Variants in GAB2 observed in about 807,000 individuals in gnomAD.
GAB2 encodes GRB2 associated binding protein 2, also known as GRB2-associated-binding protein 2.
GAB2 carries 26 observed loss-of-function variants against 65.5 expected under a neutral mutation model. The ratio of observed to expected loss-of-function variants is 0.40; its 90% CI spans 0.29 to 0.55. The LOEUF (loss-of-function observed/expected upper bound fraction) is 0.55, where lower values mean the gene tolerates loss of function less well. GAB2 is among the 20% of genes least tolerant of loss of function. The probability of loss-of-function intolerance (pLI) is 0.53; values close to 1 mark genes in which losing one functional copy is unlikely to be tolerated. For missense variants in GAB2, 884 were observed against 875.8 expected (o/e 1.01, Z -0.12); for synonymous variants, 321 against 329.6 (o/e 0.97, Z 0.28).
chr11:78,287,868 G>C (rs1013043120), intron 1 of GAB2, among the ~76,000 whole-genome samples: 5 of 149,194 alleles, frequency 3.4e-5, no homozygotes, highest in African/African-American at 1.2e-4. Context: ...GGCTGGTCTT[G>C]AACTCTTGGC....
At chr11:78,232,794 A>G (rs1216756897) in intron 3 of GAB2, among the ~76,000 whole-genome samples, 2 of 152,136 alleles carry the variant, frequency 1.3e-5, no homozygotes, top group African/African-American at 4.8e-5. Flanking sequence ...CAGTAATCCA[A>G]TCAGACACAG....
At chr11:78,407,806 G>T (rs1213685359) in intron 1 of GAB2, among the ~76,000 whole-genome samples, 1 of 151,990 alleles carries the variant, frequency 6.6e-6, no homozygotes, top group Non-Finnish European at 1.5e-5. Flanking sequence ...GAAAGAAAAA[G>T]AGGGCATTTT....
Position 78,249,401 on chromosome 11 carries a change from T to C in GAB2, c.620+756A>G, listed in dbSNP as rs553344555. Among the ~76,000 whole-genome samples, 4 of 152,370 alleles carry C rather than the reference T, an allele frequency of 2.6e-5. No individual in the cohort carries two copies. The East Asian group carries it at 5.8e-4, about 22-fold the overall frequency. Reference sequence around the variant, plus strand: ...AATGTGATTTGTAATCTGCTGGCTATGGTAGCAACTGGGAATTAGCTCTGG... The same window carrying C: ...AATGTGATTTGTAATCTGCTGGCTACGGTAGCAACTGGGAATTAGCTCTGG... On this transcript the variant is annotated intron_variant, in intron 3 of 9. Coordinates refer to ENST00000361507, the MANE Select transcript of GAB2 (RefSeq NM_080491.3).
intron 1 of GAB2, among the ~76,000 whole-genome samples, chr11:78,389,654 T>A (rs1310785336): frequency 6.6e-6 from 1 of 152,220 alleles, no homozygotes; most frequent in Admixed American, 6.5e-5. Flanking sequence ...TGGTGATGGC[T>A]GTACAACTGC....
chr11:78,308,516 T>G (rs1855419719), intron 1 of GAB2, among the ~76,000 whole-genome samples: 1 of 152,218 alleles, frequency 6.6e-6, no homozygotes, highest in Admixed American at 6.5e-5. Context: ...TTAGCATCTA[T>G]GTGATTGGAA....
In GAB2 at chr11:78,250,369, A is replaced by G. The variant is rs1186890052; in HGVS notation, c.408T>C (p.His136=). 5 of 1,613,366 alleles carry G rather than the reference A, an allele frequency of 3.1e-6. No individual in the cohort carries two copies. The African/African-American group carries it at 4.0e-5, about 13-fold the overall frequency. Residue 136 remains histidine, a synonymous_variant, in exon 3 of 10, where the codon CAT becomes CAC. Transcript: ENST00000361507. ...GCTCAGCTGGAGAAGAGCGGGGGCCATGACCGGCTGAGGAAACATTTCTCA... is the reference window on the plus strand; with the variant it reads ...GCTCAGCTGGAGAAGAGCGGGGGCCGTGACCGGCTGAGGAAACATTTCTCA... ...DSLRNVSSAG[H]GPRSSPAELS...
At chr11:78,396,876 C>T (rs558579910) in intron 1 of GAB2, among the ~76,000 whole-genome samples, 9 of 152,284 alleles carry the variant, frequency 5.9e-5, no homozygotes, top group South Asian at 4.1e-4. Context: ...AGATCACAGG[C>T]GTGAGCCACT....
intron 1 of GAB2, among the ~76,000 whole-genome samples, chr11:78,316,958 AAAGG>A (rs1196209463): frequency 6.6e-6 from 1 of 152,240 alleles, no homozygotes; most frequent in Non-Finnish European, 1.5e-5. Flanking sequence ...TCAGCCTTAA[AAAGG>A]AAGGAAATTC....
chr11:78,316,041 T>G (rs954367061), intron 1 of GAB2, among the ~76,000 whole-genome samples: 1 of 151,904 alleles, frequency 6.6e-6, no homozygotes, highest in Non-Finnish European at 1.5e-5. Context: ...CCACTCCCCC[T>G]CCCCCTGCCA....
chr11:78,398,041 C>CAT (rs143395352), intron 1 of GAB2, among the ~76,000 whole-genome samples: 4 of 151,404 alleles, frequency 2.6e-5, no homozygotes, highest in Admixed American at 2.0e-4. Flanking sequence ...CACACACACA[C>CAT]ATCCCTGGCC....
At chr11:78,335,458 C>T (rs577037743) in intron 1 of GAB2, among the ~76,000 whole-genome samples, 36 of 152,278 alleles carry the variant, frequency 2.4e-4, no homozygotes, top group South Asian at 6.2e-4. Context: ...CTTCTGCATA[C>T]GGATATCCAG....
intron 1 of GAB2, among the ~76,000 whole-genome samples, chr11:78,298,941 G>A (rs1022737758): frequency 3.3e-5 from 5 of 152,108 alleles, no homozygotes; most frequent in African/African-American, 1.2e-4. Flanking sequence ...GCTCACTACT[G>A]TCTTCAACAG....
At chr11:78,302,619 A>G (rs1410179088) in intron 1 of GAB2, among the ~76,000 whole-genome samples, 1 of 152,240 alleles carries the variant, frequency 6.6e-6, no homozygotes, top group Non-Finnish European at 1.5e-5. Context: ...AACAGTGTGA[A>G]GATTCCTTGA....
At chr11:78,368,721 G>C (rs1856529584) in intron 1 of GAB2, among the ~76,000 whole-genome samples, 1 of 150,916 alleles carries the variant, frequency 6.6e-6, no homozygotes, top group South Asian at 2.1e-4. Flanking sequence ...AAAAAGACAA[G>C]ACAGCAAAAA....
chr11:78,333,062 C>A (rs917409107), intron 1 of GAB2, among the ~76,000 whole-genome samples: 3 of 152,054 alleles, frequency 2.0e-5, no homozygotes, highest in Non-Finnish European at 2.9e-5. Flanking sequence ...TAATGCTGGG[C>A]TTTGTTTCAG....
intron 1 of GAB2, among the ~76,000 whole-genome samples, chr11:78,360,155 T>G (rs528760785): frequency 1.3e-5 from 2 of 152,274 alleles, no homozygotes; most frequent in Non-Finnish European, 2.9e-5. Flanking sequence ...TTTTCCCCAG[T>G]GCTTTCAGAA....
intron 1 of GAB2, among the ~76,000 whole-genome samples, chr11:78,325,964 G>A (rs1399697876): frequency 6.6e-6 from 1 of 152,112 alleles, no homozygotes; most frequent in African/African-American, 2.4e-5. Context: ...GTATAAAATA[G>A]CAAACTGTAA....
intron 1 of GAB2, among the ~76,000 whole-genome samples, chr11:78,397,935 C>T (rs986764336): frequency 6.6e-6 from 1 of 151,868 alleles, no homozygotes; most frequent in African/African-American, 2.4e-5. Flanking sequence ...ACCTATAGTC[C>T]CAGCTATTCA....
At chr11:78,228,089 A>G (rs2134473200) in intron 3 of GAB2, among the ~76,000 whole-genome samples, 1 of 152,346 alleles carries the variant, frequency 6.6e-6, no homozygotes, top group South Asian at 2.1e-4. Flanking sequence ...TGCTACTGAT[A>G]CGTGCTGTGT....
Sources: gnomAD v4.1 joint callset for allele counts (sites outside exome capture counted in the v4.1 genomes callset) on GRCh38, gnomAD v4.1.1 for gene constraint, MANE v1.5 for transcripts, NCBI Gene and HGNC (gene_info 2026-07-23, HGNC 2026-07-21) for gene names.